The following ANKS1B variants were observed in gnomAD, a reference collection of about 807,000 sequenced individuals.
The protein encoded by ANKS1B is ankyrin repeat and sterile alpha motif domain-containing protein 1B.
ANKS1B carries 36 observed loss-of-function variants against 148.3 expected under a neutral mutation model. That is an observed-to-expected ratio of 0.24 (90% CI 0.19 to 0.32). The LOEUF is 0.32. Among genes scored for constraint, ANKS1B ranks in the 10% least tolerant of loss-of-function variants. The probability of loss-of-function intolerance (pLI) is 1.00; values close to 1 mark genes in which losing one functional copy is unlikely to be tolerated. For missense variants in ANKS1B, 1,157 were observed against 1,542.6 expected, an observed-to-expected ratio of 0.75 and a Z score of 4.19; for synonymous variants, 542 against 560.8, an observed-to-expected ratio of 0.97 and a Z score of 0.47.
chr12:99,720,360 G>A (rs563041408), intron 8 of ANKS1B, among the ~76,000 whole-genome samples: 7 of 152,246 alleles, frequency 4.6e-5, no homozygotes, highest in African/African-American at 1.7e-4. Context: ...GTCTAAGAAG[G>A]CCACCGCAGT....
chr12:99,182,522 T>C (rs1275585235), intron 14 of ANKS1B, among the ~76,000 whole-genome samples: 2 of 152,234 alleles, frequency 1.3e-5, no homozygotes, highest in Non-Finnish European at 2.9e-5. Context: ...TGAATAGTAC[T>C]CCATTGTGTA....
intron 12 of ANKS1B, among the ~76,000 whole-genome samples, chr12:99,388,273 T>C (rs1036706325): frequency 3.9e-5 from 6 of 152,238 alleles, no homozygotes; most frequent in Non-Finnish European, 8.8e-5. Context: ...CTGTCTTATG[T>C]CTTAAGATTT....
intron 9 of ANKS1B, among the ~76,000 whole-genome samples, chr12:99,560,057 A>G (rs980340830): frequency 8.5e-5 from 13 of 152,222 alleles, no homozygotes; most frequent in Non-Finnish European, 1.9e-4. Flanking sequence ...CAAACATTTT[A>G]TAAAACAGTA....
chr12:99,281,642 T>C (rs1312558135), intron 12 of ANKS1B, among the ~76,000 whole-genome samples: 1 of 152,212 alleles, frequency 6.6e-6, no homozygotes, highest in South Asian at 2.1e-4. Context: ...CGCCCATAAC[T>C]AGTATATCAA....
intron 14 of ANKS1B, among the ~76,000 whole-genome samples, chr12:99,191,276 A>T (rs564327904): frequency 3.9e-5 from 6 of 152,238 alleles, no homozygotes; most frequent in Non-Finnish European, 8.8e-5. Flanking sequence ...CCATTGTGGA[A>T]GACAGTATGG....
At chr12:99,824,176 G>GT (rs1240666029) in intron 2 of ANKS1B, among the ~76,000 whole-genome samples, 1 of 152,120 alleles carries the variant, frequency 6.6e-6, no homozygotes, top group Non-Finnish European at 1.5e-5. Context: ...TCTGTAGATT[G>GT]TAACTAGCAC....
intron 9 of ANKS1B, among the ~76,000 whole-genome samples, chr12:99,653,741 G>T (rs1484526641): frequency 6.8e-6 from 1 of 147,098 alleles, no homozygotes; most frequent in Non-Finnish European, 1.5e-5. Flanking sequence ...GGAATGCAGT[G>T]GTATGATCAC....
At chr12:99,170,126 T>C (rs1343366277) in intron 14 of ANKS1B, among the ~76,000 whole-genome samples, 2 of 152,210 alleles carry the variant, frequency 1.3e-5, no homozygotes, top group South Asian at 4.1e-4. Context: ...GTAAAGCCCA[T>C]CACCTGGATA....
chr12:99,329,414 A>T (rs1322183595), intron 12 of ANKS1B, among the ~76,000 whole-genome samples: 1 of 151,912 alleles, frequency 6.6e-6, no homozygotes, highest in Non-Finnish European at 1.5e-5. Flanking sequence ...CTTTATACCC[A>T]TAAATGTTGA....
chr12:99,683,593 A>T (rs1225126986), intron 8 of ANKS1B, among the ~76,000 whole-genome samples: 3 of 152,192 alleles, frequency 2.0e-5, no homozygotes, highest in Non-Finnish European at 4.4e-5. Context: ...ATTCCAAAAG[A>T]TAAACAGGGA....
intron 12 of ANKS1B, among the ~76,000 whole-genome samples, chr12:99,268,789 T>A (rs1376710502): frequency 6.6e-6 from 1 of 152,180 alleles, no homozygotes; most frequent in African/African-American, 2.4e-5. Context: ...ACTGCAACAA[T>A]ATGACAGTCA....
intron 9 of ANKS1B, among the ~76,000 whole-genome samples, chr12:99,527,605 A>C (rs1331884284): frequency 1.3e-5 from 2 of 152,108 alleles, no homozygotes; most frequent in Non-Finnish European, 2.9e-5. Flanking sequence ...TGTTGGTGAA[A>C]TATACTTGGA....
chr12:99,978,372 G>GA (rs1443049591), intron 1 of ANKS1B, among the ~76,000 whole-genome samples: 2 of 152,180 alleles, frequency 1.3e-5, no homozygotes, highest in Non-Finnish European at 1.5e-5. Context: ...GCTCAGTGGA[G>GA]AAAGAGGTCA....
At chr12:99,286,060 G>C (rs1170933670) in intron 12 of ANKS1B, among the ~76,000 whole-genome samples, 1 of 151,766 alleles carries the variant, frequency 6.6e-6, no homozygotes, top group Non-Finnish European at 1.5e-5. Context: ...ACAACCTAGT[G>C]AGATGCCAAC....
At chr12:98,824,906 C>T (rs1293362750) in intron 19 of ANKS1B, among the ~76,000 whole-genome samples, 1 of 152,088 alleles carries the variant, frequency 6.6e-6, no homozygotes, top group Non-Finnish European at 1.5e-5. Context: ...CACTAAACTA[C>T]TGTGATTTTC....
chr12:99,366,065 C>A (rs1455899465), intron 12 of ANKS1B, among the ~76,000 whole-genome samples: 1 of 152,136 alleles, frequency 6.6e-6, no homozygotes, highest in Non-Finnish European at 1.5e-5. Context: ...TTCTTCTGTT[C>A]TCTGTATTAC....
At chr12:99,058,979 C>T (rs1474642498) in intron 16 of ANKS1B, among the ~76,000 whole-genome samples, 4 of 151,594 alleles carry the variant, frequency 2.6e-5, no homozygotes, top group Admixed American at 6.6e-5. Flanking sequence ...CCTCGTGATC[C>T]GCCCGCCTCG....
chr12:99,368,095 T>C (rs1260674102), intron 12 of ANKS1B, among the ~76,000 whole-genome samples: 1 of 152,224 alleles, frequency 6.6e-6, no homozygotes, highest in Non-Finnish European at 1.5e-5. Flanking sequence ...TATATTTTTA[T>C]GACTACAATT....
intron 17 of ANKS1B, among the ~76,000 whole-genome samples, chr12:98,879,492 T>C (rs1461833825): frequency 6.6e-6 from 1 of 152,206 alleles, no homozygotes; most frequent in Non-Finnish European, 1.5e-5. Context: ...AAGCAGCAGC[T>C]TGTCTTATGT....
Sources: allele counts gnomAD v4.1 joint callset (sites outside exome capture counted in the v4.1 genomes callset), GRCh38; gene constraint gnomAD v4.1.1; transcripts MANE v1.5; gene names NCBI Gene and HGNC (gene_info 2026-07-23, HGNC 2026-07-21).